The following SRGAP3 variants were observed in gnomAD, a reference collection of about 807,000 sequenced individuals.
The protein encoded by SRGAP3 is SLIT-ROBO Rho GTPase-activating protein 3.
Under a neutral mutation model 121.1 loss-of-function variants are expected in SRGAP3, and 39 were observed. That is an observed-to-expected ratio of 0.32 (90% CI 0.25 to 0.42). The LOEUF is 0.42. Among genes scored for constraint, SRGAP3 ranks in the 10% least tolerant of loss-of-function variants. The pLI is 1.00. For synonymous variants in SRGAP3, 601 were observed against 570.0 expected, an observed-to-expected ratio of 1.05 and a Z score of -0.77; for missense variants, 1,213 against 1,470.6, an observed-to-expected ratio of 0.82 and a Z score of 2.86.
chr3:9,234,631 T>G (rs1033315744), intron 1 of SRGAP3, among the ~76,000 whole-genome samples: 1 of 152,100 alleles, frequency 6.6e-6, no homozygotes. Flanking sequence ...GTCTTTCTAT[T>G]TGACAAATGG....
At chr3:9,140,372 A>G (rs1192127658) in intron 1 of SRGAP3, among the ~76,000 whole-genome samples, 2 of 152,254 alleles carry the variant, frequency 1.3e-5, no homozygotes, top group Non-Finnish European at 2.9e-5. Context: ...TTACAAAAAT[A>G]GGATGTAGGG....
Position 9,218,235 on chromosome 3 carries a change from AG to A in SRGAP3, c.67+30649del, listed in dbSNP as rs1343893644. On this transcript the variant is annotated intron_variant, in intron 1 of 21. Coordinates refer to ENST00000383836, the MANE Select transcript of SRGAP3 (RefSeq NM_014850.4). The surrounding 1 kb of genome is among the most constrained non-coding windows in gnomAD (Gnocchi z 5.3). ...CTCTAGGAGAGACCACAGCTGGGCC[AG>A]CCAGATTGGTCAAATCCACCCTAGA... is the stretch of plus-strand genomic sequence containing the variant. The A allele has an allele frequency of 2.6e-5, 4 of 152,234 alleles. No homozygotes were observed. Among genetic ancestry groups the A allele is most frequent in the Non-Finnish European group, 5.9e-5 (4 of 68,038 alleles). The allele number at this position is 152,234 out of a possible 1,614,324, so 9.4% of individuals were successfully genotyped here.
rs760078954 is a variant in SRGAP3 at position 9,318,579 on chromosome 3, G to T, written n.442+7431C>A. 5.9e-5 allele frequency among the ~76,000 whole-genome samples: 9 copies of T among 151,570 alleles called. 1 individual carries two copies. The highest frequency in any genetic ancestry group is 6.6e-5 in the Admixed American group (1 of 15,252). ...AGTCCCCTGAGAACTTAAAGCTTTT[G>T]AAAATCAAGCCAGGGCCAGGTGCCG... On this transcript the variant is annotated intron_variant and non_coding_transcript_variant, in intron 3 of 3. Transcript: ENST00000490889.
chr3:9,309,717 G>C (rs1292156568), intron 3 of SRGAP3, among the ~76,000 whole-genome samples: 1 of 152,134 alleles, frequency 6.6e-6, no homozygotes, highest in African/African-American at 2.4e-5. Context: ...AAATCAGACA[G>C]ATGTGAGGGC....
Position 9,149,085 on chromosome 3 carries a change from G to A in SRGAP3, c.68-24168C>T, listed in dbSNP as rs969477144. Among the ~76,000 whole-genome samples the A allele has an allele frequency of 2.6e-5, 4 of 151,960 alleles. No individual in the cohort carries two copies. In the East Asian group the frequency reaches 7.8e-4, roughly 29 times the overall value. On this transcript the variant is annotated intron_variant, in intron 1 of 21. Transcript: ENST00000383836. ...AAAAATTAGCCGAGCGTGGTGGCAG[G>A]CGCCTGTAATCCCAGCTACTCAGGA...
intron 1 of SRGAP3, among the ~76,000 whole-genome samples, chr3:9,345,308 C>T (rs1205373170): frequency 6.6e-6 from 1 of 151,338 alleles, no homozygotes; most frequent in Non-Finnish European, 1.5e-5. Context: ...CTGGACAAAA[C>T]AGGGAGACAC....
chr3:9,283,274 T>A (rs1289093558), intron 3 of SRGAP3, among the ~76,000 whole-genome samples: 1 of 152,188 alleles, frequency 6.6e-6, no homozygotes, highest in East Asian at 1.9e-4. Context: ...GCATGTAGAA[T>A]CTGAAACCAT....
chr3:9,185,344 C>G (rs1425602934), intron 1 of SRGAP3, among the ~76,000 whole-genome samples: 1 of 152,090 alleles, frequency 6.6e-6, no homozygotes, highest in Admixed American at 6.5e-5. Flanking sequence ...CACTAGCTAC[C>G]CTGAGCACCA....
chr3:9,348,685 T>C (rs924422262), intron 1 of SRGAP3: 1 of 1,118,998 alleles, frequency 8.9e-7, no homozygotes, highest in Non-Finnish European at 1.3e-6. Context: ...CTGCCAGTAG[T>C]GAGGATTGGT....
At chr3:9,091,553 A>G (rs1232325350) in intron 3 of SRGAP3, among the ~76,000 whole-genome samples, 1 of 152,112 alleles carries the variant, frequency 6.6e-6, no homozygotes, top group African/African-American at 2.4e-5. Flanking sequence ...GCCATCTCCC[A>G]AAGTGATTGT....
At chr3:8,986,904 C>T (rs1242487332) in intron 21 of SRGAP3, among the ~76,000 whole-genome samples, 1 of 152,228 alleles carries the variant, frequency 6.6e-6, no homozygotes, top group Non-Finnish European at 1.5e-5. Flanking sequence ...CCCGGGCTCA[C>T]CATGCCACAG....
At chr3:9,179,939 C>T (rs1054239187) in intron 1 of SRGAP3, among the ~76,000 whole-genome samples, 3 of 152,212 alleles carry the variant, frequency 2.0e-5, no homozygotes, top group Non-Finnish European at 4.4e-5. Context: ...GCCAGATGCC[C>T]GGTCAATACT....
intron 1 of SRGAP3, among the ~76,000 whole-genome samples, chr3:9,344,627 C>T (rs1030582980): frequency 2.9e-5 from 4 of 139,138 alleles, no homozygotes; most frequent in African/African-American, 5.3e-5. Flanking sequence ...AGTCAGACTC[C>T]GTCTCAAAAA....
intron 3 of SRGAP3, among the ~76,000 whole-genome samples, chr3:9,265,676 C>T (rs572165360): frequency 2.0e-5 from 3 of 152,000 alleles, no homozygotes; most frequent in Non-Finnish European, 4.4e-5. Flanking sequence ...AATGAGATAC[C>T]ATCTCACACC....
chr3:9,314,027 T>C (rs1291682367), intron 3 of SRGAP3, among the ~76,000 whole-genome samples: 1 of 152,230 alleles, frequency 6.6e-6, no homozygotes, highest in Non-Finnish European at 1.5e-5. Flanking sequence ...ATTTATTTTG[T>C]TTTTTGTATA....
intron 3 of SRGAP3, chr3:9,257,583 A>C (rs1024508618): frequency 6.6e-6 from 1 of 152,166 alleles, no homozygotes; most frequent in Non-Finnish European, 1.5e-5. Context: ...TGTTTGAAAA[A>C]AATAATAATA....
intron 1 of SRGAP3, among the ~76,000 whole-genome samples, chr3:9,186,886 T>G (rs1017563420): frequency 4.6e-5 from 7 of 152,176 alleles, no homozygotes; most frequent in African/African-American, 1.7e-4. Flanking sequence ...CAAGGTTAAT[T>G]AGCCCTTTCT....
intron 1 of SRGAP3, among the ~76,000 whole-genome samples, chr3:9,229,515 C>T (rs908640833): frequency 6.6e-6 from 1 of 152,152 alleles, no homozygotes; most frequent in African/African-American, 2.4e-5. Flanking sequence ...GAACAGCTCA[C>T]CAGAATTCTG....
intron 1 of SRGAP3, among the ~76,000 whole-genome samples, chr3:9,346,382 A>G (rs887812082): frequency 6.6e-6 from 1 of 152,188 alleles, no homozygotes; most frequent in African/African-American, 2.4e-5. Context: ...AGCTAGGACT[A>G]TAGGCACTTG....
Sources: gnomAD v4.1 joint callset for allele counts (sites outside exome capture counted in the v4.1 genomes callset) on GRCh38, gnomAD v4.1.1 for gene constraint, Gnocchi (gnomAD v3.1) non-coding constraint, MANE v1.5 for transcripts, NCBI Gene and HGNC (gene_info 2026-07-23, HGNC 2026-07-21) for gene names.